ATP11A: variants seen among roughly 807,000 people sequenced by gnomAD.
The protein encoded by ATP11A is phospholipid-transporting ATPase IH.
Under a neutral mutation model 154.4 loss-of-function variants are expected in ATP11A, and 81 were observed. The ratio of observed to expected loss-of-function variants is 0.52; its 90% CI spans 0.44 to 0.63. The LOEUF is 0.63. Among genes scored for constraint, ATP11A ranks in the 30% least tolerant of loss-of-function variants. The probability of loss-of-function intolerance (pLI) is 0.00; values close to 1 mark genes in which losing one functional copy is unlikely to be tolerated. For synonymous variants in ATP11A, 623 were observed against 585.9 expected, an observed-to-expected ratio of 1.06 and a Z score of -0.91; for missense variants, 1,316 against 1,474.3, an observed-to-expected ratio of 0.89 and a Z score of 1.76.
Position 112,875,729 on chromosome 13 carries a change from C to G in ATP11A, c.3162-47C>G. On this transcript the variant is annotated intron_variant, in intron 27 of 29. Coordinates refer to ENST00000375645, the MANE Select transcript of ATP11A (RefSeq NM_015205.3). This position sits in a 1 kb window ranked among gnomAD's most constrained non-coding sequence, Gnocchi z 4.1. ...TCTCCAGTGAGTAGAGAGGCCAGCC[C>G]CAGGGAGTACATGCCTCACCAGCGG... The G allele has an allele frequency of 1.3e-6, 2 of 1,590,984 alleles. No homozygotes were observed. Among genetic ancestry groups the G allele is most frequent in the Non-Finnish European group, 1.7e-6 (2 of 1,164,024 alleles).
At chr13:112,714,651 A>G (rs79253948) in intron 1 of ATP11A, among the ~76,000 whole-genome samples, 2,136 of 152,288 alleles carry the variant, frequency 0.014, 52 homozygotes, top group African/African-American at 0.048. Context: ...GAGACGCAAG[A>G]GAATGTGAAG....
At chr13:112,850,832 A>G (rs149300612) in intron 17 of ATP11A, among the ~76,000 whole-genome samples, 1 of 152,278 alleles carries the variant, frequency 6.6e-6, no homozygotes, top group African/African-American at 2.4e-5. Context: ...TAAATAATTC[A>G]CTTGTTGATG....
chr13:112,715,427 CCTCCCCACACCTGGCCCA>C (rs1888325395), intron 1 of ATP11A, among the ~76,000 whole-genome samples: 1 of 10,854 alleles, frequency 9.2e-5, no homozygotes, highest in African/African-American at 1.4e-4. Flanking sequence ...ACCTGGCCCA[CCTCCCCACACCTGGCCCA>C]CCTCCCCACA....
Position 112,875,994 on chromosome 13 carries a change from A to C in ATP11A, c.3327+53A>C, listed in dbSNP as rs2140433400. 1.3e-6 allele frequency: 2 copies of C among 1,566,298 alleles called. No individual in the cohort carries two copies. Among genetic ancestry groups the C allele is most frequent in the East Asian group, 4.5e-5 (2 of 44,252 alleles). ...GGTGCCTCAGGGCCCTGGCCTTAGGATTGGGAGATGACCGTTTTGAAAGAC... is the reference window on the plus strand; with the variant it reads ...GGTGCCTCAGGGCCCTGGCCTTAGGCTTGGGAGATGACCGTTTTGAAAGAC... On this transcript the variant is annotated intron_variant, in intron 28 of 29. Transcript: ENST00000375645. This position sits in a 1 kb window ranked among gnomAD's most constrained non-coding sequence, Gnocchi z 4.1.
At chr13:112,731,452 C>T (rs1890474571) in intron 1 of ATP11A, among the ~76,000 whole-genome samples, 1 of 152,224 alleles carries the variant, frequency 6.6e-6, no homozygotes, top group Admixed American at 6.5e-5. Flanking sequence ...CAGGAGTCCA[C>T]AGCCCAAGTC....
intron 1 of ATP11A, among the ~76,000 whole-genome samples, chr13:112,760,571 A>T (rs1225006191): frequency 6.6e-6 from 1 of 152,060 alleles, no homozygotes; most frequent in African/African-American, 2.4e-5. Flanking sequence ...AACTTGCCTA[A>T]TTTTTTTCAG....
intron 18 of ATP11A, among the ~76,000 whole-genome samples, chr13:112,854,052 T>C (rs571926424): frequency 1.3e-5 from 2 of 152,248 alleles, no homozygotes; most frequent in Non-Finnish European, 2.9e-5. Context: ...GTTTGATCCA[T>C]GTTTATCTCT....
intron 7 of ATP11A, 73 bp downstream of exon 7, chr13:112,819,480 A>C: frequency 7.7e-7 from 1 of 1,301,944 alleles, no homozygotes; most frequent in South Asian, 1.2e-5. Flanking sequence ...TTTCACCCCA[A>C]GTAGTCCAGC....
intron 1 of ATP11A, among the ~76,000 whole-genome samples, chr13:112,777,808 T>TC (rs2077384426): frequency 6.6e-6 from 1 of 152,066 alleles, no homozygotes; most frequent in South Asian, 2.1e-4. Flanking sequence ...TGAGACTTCC[T>TC]CCCCCGTGGG....
intron 1 of ATP11A, among the ~76,000 whole-genome samples, chr13:112,724,516 G>A (rs1439571178): frequency 6.6e-6 from 1 of 151,538 alleles, no homozygotes; most frequent in Non-Finnish European, 1.5e-5. Context: ...CCGTGTATGT[G>A]CGGCAGCCAG....
At chr13:112,824,060 T>C (rs779772082) in intron 9 of ATP11A, among the ~76,000 whole-genome samples, 3 of 152,204 alleles carry the variant, frequency 2.0e-5, no homozygotes, top group Non-Finnish European at 4.4e-5. Context: ...CATCCCCAGT[T>C]GGTAGAACCT....
At chr13:112,695,645 C>T (rs1885719680) in intron 1 of ATP11A, among the ~76,000 whole-genome samples, 2 of 152,190 alleles carry the variant, frequency 1.3e-5, no homozygotes, top group Non-Finnish European at 2.9e-5. Flanking sequence ...ACACTGTCTT[C>T]AGTTTACAAT....
rs2076778940 is a variant in ATP11A, at chr13:112,754,817, C to G, written c.40-30318C>G. ...CCACAAGCCTGCTCAGGAGGCCTCT[C>G]CACGATCCACAATCGACCACCTGTC... On this transcript the variant is annotated intron_variant, in intron 1 of 29. Transcript: ENST00000375645. The surrounding 1 kb of genome is among the most constrained non-coding windows in gnomAD (Gnocchi z 5.3). 1 of 152,778 alleles carries G rather than the reference C, an allele frequency of 6.5e-6. No individual in the cohort carries two copies. Among genetic ancestry groups the G allele is most frequent in the African/African-American group, 2.4e-5 (1 of 41,480 alleles). 9.5% of individuals were successfully genotyped at this position (152,778 alleles called of 1,614,324 possible). A position where few individuals can be genotyped will look rare whatever the true frequency, so the allele number is the denominator to read the frequency against.
chr13:112,773,561 G>A (rs1594636477), intron 1 of ATP11A, among the ~76,000 whole-genome samples: 2 of 152,200 alleles, frequency 1.3e-5, no homozygotes, highest in South Asian at 2.1e-4. Context: ...CTGGGAAGCT[G>A]TAGCCCTTTT....
At chr13:112,712,517 C>G (rs1887878696) in intron 1 of ATP11A, among the ~76,000 whole-genome samples, 1 of 152,114 alleles carries the variant, frequency 6.6e-6, no homozygotes, top group Non-Finnish European at 1.5e-5. Flanking sequence ...GACAGCAACC[C>G]CGTCCTGTCC....
chr13:112,847,311 A>G (rs1006365295), intron 17 of ATP11A, among the ~76,000 whole-genome samples: 1 of 152,202 alleles, frequency 6.6e-6, no homozygotes, highest in South Asian at 2.1e-4. Context: ...GCTTGCTGTC[A>G]TATCGAAGAA....
chr13:112,876,931 A>AT (rs2080745817), intron 28 of ATP11A, among the ~76,000 whole-genome samples: 1 of 152,176 alleles, frequency 6.6e-6, no homozygotes, highest in Non-Finnish European at 1.5e-5. Context: ...AACAATCAGA[A>AT]TGGGACCCTG....
At chr13:112,792,707 C>T (rs894650884) in intron 2 of ATP11A, among the ~76,000 whole-genome samples, 3 of 152,170 alleles carry the variant, frequency 2.0e-5, no homozygotes, top group Admixed American at 6.5e-5. Flanking sequence ...CCAGCACGCC[C>T]CGTTCCCTGC....
At position 112,845,656 on chromosome 13, in the gene ATP11A, T is replaced by C. The variant is rs76626814; in HGVS notation, c.1809+3277T>C. 6.1e-4 allele frequency among the ~76,000 whole-genome samples: 37 copies of C among 60,862 alleles called. 2 individuals are homozygous for C. The highest frequency in any genetic ancestry group is 3.9e-3 in the African/African-American group (30 of 7,774). The allele number at this position is 60,862 out of a possible 152,430, so 39.9% of individuals were successfully genotyped here. Reference sequence around the variant, plus strand: ...CAGTTGCCAGCACTAGCGGTACTATTCAGTCCAGTTACCAGGCACTAGCGG... The same window carrying C: ...CAGTTGCCAGCACTAGCGGTACTATCCAGTCCAGTTACCAGGCACTAGCGG... On this transcript the variant is annotated intron_variant, in intron 17 of 29. Coordinates refer to ENST00000375645, the MANE Select transcript of ATP11A (RefSeq NM_015205.3).
Sources: allele counts gnomAD v4.1 joint callset (sites outside exome capture counted in the v4.1 genomes callset), GRCh38; gene constraint gnomAD v4.1.1; non-coding constraint Gnocchi (gnomAD v3.1); transcripts MANE v1.5; gene names NCBI Gene and HGNC (gene_info 2026-07-23, HGNC 2026-07-21).